AKAP13: variants seen among roughly 807,000 people sequenced by gnomAD.
AKAP13 encodes A-kinase anchor protein 13.
In AKAP13, 80 loss-of-function variants were observed where a neutral mutation model predicts 264.5. The observed-to-expected ratio is 0.30, with a 90% CI of 0.25 to 0.36. AKAP13 has a LOEUF of 0.36. AKAP13 is among the 10% of genes least tolerant of loss of function. The pLI is 1.00. For synonymous variants in AKAP13, 1,380 were observed against 1,250.2 expected (o/e 1.10, Z -2.19); for missense variants, 3,712 against 3,435.2 (o/e 1.08, Z -2.01).
rs751017283 is a variant in AKAP13, at chr15:85,645,894, G to T, written c.4314G>T (p.Gly1438=). Residue 1438 remains glycine, a synonymous_variant, in exon 10 of 37, where the codon GGG becomes GGT. Coordinates refer to ENST00000394518, the MANE Select transcript of AKAP13 (RefSeq NM_007200.5). Reference sequence around the variant, plus strand: ...AAGGTGTACTTAAAAGAGAATCTGGGAGTGATTCTGACCTCTTTCACTCAC... The same window carrying T: ...AAGGTGTACTTAAAAGAGAATCTGGTAGTGATTCTGACCTCTTTCACTCAC... ...SKQGVLKRES[G]SDSDLFHSPS... is the part of the protein sequence containing the mutation. The T allele has an allele frequency of 6.2e-7, 1 of 1,613,716 alleles. No individual in the cohort carries two copies. Among genetic ancestry groups the T allele is most frequent in the East Asian group, 2.2e-5 (1 of 44,864 alleles).
intron 1 of AKAP13, among the ~76,000 whole-genome samples, chr15:85,450,658 G>A (rs980314296): frequency 6.6e-6 from 1 of 152,010 alleles, no homozygotes; most frequent in Admixed American, 6.6e-5. Flanking sequence ...CATGTAATTG[G>A]ATGGTTTTGA....
chr15:85,399,614 A>G (rs1454974462), intron 1 of AKAP13, among the ~76,000 whole-genome samples: 10 of 151,712 alleles, frequency 6.6e-5, no homozygotes, highest in African/African-American at 2.2e-4. Flanking sequence ...TGGCAACCAA[A>G]GAAAAAATGA....
chr15:85,453,510 C>T (rs2074166558), intron 1 of AKAP13, among the ~76,000 whole-genome samples: 1 of 152,206 alleles, frequency 6.6e-6, no homozygotes, highest in Admixed American at 6.5e-5. Flanking sequence ...GAACTTTGTC[C>T]CAGGGAGGAA....
chr15:85,589,149 A>T (rs1227478143), intron 8 of AKAP13, among the ~76,000 whole-genome samples: 1 of 152,200 alleles, frequency 6.6e-6, no homozygotes. Flanking sequence ...AAACAGACAC[A>T]CACTTTAATT....
chr15:85,642,200 T>G (rs1009735703), intron 9 of AKAP13, among the ~76,000 whole-genome samples: 1 of 152,232 alleles, frequency 6.6e-6, no homozygotes, highest in African/African-American at 2.4e-5. Context: ...AAACCAGAGT[T>G]CTGGTTACTG....
At position 85,433,536 on chromosome 15, in the gene AKAP13, C is replaced by T. The variant is rs992056422; in HGVS notation, c.-11-52174C>T. ...ATGCTGTGAATGCCTAGTCAGTCCACAAACTCCTTAGCCTTTGTTTTTTGG... is the reference window on the plus strand; with the variant it reads ...ATGCTGTGAATGCCTAGTCAGTCCATAAACTCCTTAGCCTTTGTTTTTTGG... On this transcript the variant is annotated intron_variant, in intron 1 of 36. Coordinates refer to ENST00000394518, the MANE Select transcript of AKAP13 (RefSeq NM_007200.5). Among the ~76,000 whole-genome samples, 4 of 152,162 alleles carry T rather than the reference C, an allele frequency of 2.6e-5. No homozygotes were observed. In the East Asian group the frequency reaches 7.7e-4, roughly 29 times the overall value.
intron 12 of AKAP13, among the ~76,000 whole-genome samples, chr15:85,661,121 C>T (rs2083323109): frequency 6.6e-6 from 1 of 151,948 alleles, no homozygotes; most frequent in Admixed American, 6.6e-5. Context: ...ACTTTATGGC[C>T]CAGGTAGCAG....
chr15:85,632,939 CA>C (rs2081909038), intron 8 of AKAP13, among the ~76,000 whole-genome samples: 1 of 151,838 alleles, frequency 6.6e-6, no homozygotes, highest in South Asian at 2.1e-4. Context: ...GATCTTGGCT[CA>C]CTGCAACCTC....
intron 8 of AKAP13, among the ~76,000 whole-genome samples, chr15:85,609,503 TTATC>T (rs1283351069): frequency 3.9e-5 from 6 of 152,244 alleles, no homozygotes; most frequent in Non-Finnish European, 8.8e-5. Flanking sequence ...CACATTTTCT[TTATC>T]CATTCATCTG....
chr15:85,697,954 T>C (rs781633451), intron 17 of AKAP13, among the ~76,000 whole-genome samples: 9 of 152,316 alleles, frequency 5.9e-5, no homozygotes, highest in Middle Eastern at 6.8e-3. Flanking sequence ...GTGTTTGATA[T>C]GTGATTCATA....
chr15:85,393,140 A>G (rs1181204672), intron 1 of AKAP13, among the ~76,000 whole-genome samples: 1 of 152,226 alleles, frequency 6.6e-6, no homozygotes, highest in Non-Finnish European at 1.5e-5. Context: ...CCGTTGTGAC[A>G]TTGCATGGAA....
chr15:85,519,257 G>T (rs1210747147), intron 2 of AKAP13, among the ~76,000 whole-genome samples: 1 of 152,170 alleles, frequency 6.6e-6, no homozygotes, highest in Non-Finnish European at 1.5e-5. Flanking sequence ...TTTATTGACA[G>T]TGAAATTTGA....
At chr15:85,609,639 C>T (rs1387100489) in intron 8 of AKAP13, among the ~76,000 whole-genome samples, 3 of 152,254 alleles carry the variant, frequency 2.0e-5, no homozygotes, top group Non-Finnish European at 2.9e-5. Flanking sequence ...CTAGATCATA[C>T]GGTGGTTTTC....
rs143272843 is a variant in AKAP13, at chr15:85,557,263, C to T, written c.662+13308C>T. Reference sequence around the variant, plus strand: ...TGAAGCCTTGGTTGATTTGCCTAAACGCTATCTATCTGCAGAACCTTGGCC... The same window carrying T: ...TGAAGCCTTGGTTGATTTGCCTAAATGCTATCTATCTGCAGAACCTTGGCC... On this transcript the variant is annotated intron_variant, in intron 5 of 36. Transcript: ENST00000394518. Among the ~76,000 whole-genome samples, 266 of 152,236 alleles carry T rather than the reference C, an allele frequency of 1.7e-3. 1 individual carries two copies. Among genetic ancestry groups the T allele is most frequent in the African/African-American group, 5.9e-3 (244 of 41,538 alleles).
intron 8 of AKAP13, among the ~76,000 whole-genome samples, chr15:85,623,921 C>T (rs976829144): frequency 6.6e-6 from 1 of 152,190 alleles, no homozygotes; most frequent in African/African-American, 2.4e-5. Context: ...ACCAATATGC[C>T]CATTTTCCTC....
intron 5 of AKAP13, among the ~76,000 whole-genome samples, chr15:85,557,871 A>G (rs16941408): frequency 0.042 from 6,404 of 152,284 alleles, 448 homozygotes; most frequent in African/African-American, 0.15. Context: ...GGTGGGACTG[A>G]ACTTTTAAAA....
chr15:85,533,008 A>T (rs557947794), intron 3 of AKAP13, among the ~76,000 whole-genome samples: 1 of 152,244 alleles, frequency 6.6e-6, no homozygotes, highest in Non-Finnish European at 1.5e-5. Flanking sequence ...AAAAATCATT[A>T]CTTATTTTTT....
intron 5 of AKAP13, among the ~76,000 whole-genome samples, chr15:85,550,602 T>C (rs1045635141): frequency 2.0e-5 from 3 of 152,232 alleles, no homozygotes; most frequent in African/African-American, 7.2e-5. Context: ...TAGATTCCTC[T>C]TCAGGTACTT....
At chr15:85,661,002 A>G (rs891041244) in intron 12 of AKAP13, among the ~76,000 whole-genome samples, 1 of 152,174 alleles carries the variant, frequency 6.6e-6, no homozygotes, top group African/African-American at 2.4e-5. Flanking sequence ...AGGCCTTCCC[A>G]TCTGCAAGAT....
Sources: allele counts gnomAD v4.1 joint callset (sites outside exome capture counted in the v4.1 genomes callset), GRCh38; gene constraint gnomAD v4.1.1; transcripts MANE v1.5; gene names NCBI Gene and HGNC (gene_info 2026-07-23, HGNC 2026-07-21).